Variants in MGAM2 observed in about 807,000 individuals in gnomAD.
MGAM2 encodes maltase-glucoamylase 2 (putative), also known as probable maltase-glucoamylase 2.
In MGAM2, 98 loss-of-function variants were observed where a neutral mutation model predicts 96.1. The observed-to-expected ratio is 1.02, with a 90% CI of 0.87 to 1.21. MGAM2 has a LOEUF of 1.21. MGAM2 is among the 50% of genes most tolerant of loss of function. MGAM2 has a pLI of 0.00. For missense variants in MGAM2, 2,055 were observed against 1,182.4 expected, an observed-to-expected ratio of 1.74 and a Z score of -10.82; for synonymous variants, 749 against 414.8, an observed-to-expected ratio of 1.81 and a Z score of -9.79.
chr7:142,144,273 G>A (rs1160773178), intron 13 of MGAM2, among the ~76,000 whole-genome samples: 2 of 152,178 alleles, frequency 1.3e-5, no homozygotes, highest in Non-Finnish European at 2.9e-5. Flanking sequence ...AAGAACAATA[G>A]GAATTTCTTC....
chr7:142,170,333 A>C, intron 27 of MGAM2, 104 bp downstream of exon 27: 3 of 540,282 alleles, frequency 5.6e-6, no homozygotes, highest in Non-Finnish European at 9.9e-6. Flanking sequence ...CTATGGAAAT[A>C]GGTGTGCATT....
chr7:142,215,471 A>C (rs1230679609), intron 46 of MGAM2, among the ~76,000 whole-genome samples: 13 of 152,060 alleles, frequency 8.5e-5, no homozygotes, highest in Non-Finnish European at 1.3e-4. Context: ...AAAAAAAAAA[A>C]AACATTTGGC....
At chr7:142,115,933 T>G (rs1743610899) in intron 1 of MGAM2, among the ~76,000 whole-genome samples, 2 of 152,202 alleles carry the variant, frequency 1.3e-5, no homozygotes, top group South Asian at 4.1e-4. Context: ...ATTTACAATT[T>G]CAAAAGTGTA....
chr7:142,160,867 T>G (rs1404483220), intron 21 of MGAM2, among the ~76,000 whole-genome samples: 1 of 152,106 alleles, frequency 6.6e-6, no homozygotes, highest in African/African-American at 2.4e-5. Context: ...CTAATGAGGC[T>G]AATTGTTGGT....
rs940122967 is a variant in MGAM2, at chr7:142,154,014, C to T, written c.1635-4C>T. 7 of 651,418 alleles carry T rather than the reference C, an allele frequency of 1.1e-5. No individual in the cohort carries two copies. The highest frequency in any genetic ancestry group is 2.0e-5 in the Non-Finnish European group (7 of 349,798). 40.4% of individuals were successfully genotyped at this position (651,418 alleles called of 1,614,324 possible). ...CACACTCCACTGGATGTATTCCTTT[C>T]CAGAGCCCTGGAGACCATCTTCATG... is the stretch of plus-strand genomic sequence containing the variant. On this transcript the variant is annotated splice_polypyrimidine_tract_variant and splice_region_variant and intron_variant, in intron 15 of 47. Transcript: ENST00000477922.
chr7:142,159,694 AC>A (rs1283988847), intron 20 of MGAM2, among the ~76,000 whole-genome samples: 1 of 152,002 alleles, frequency 6.6e-6, no homozygotes, highest in African/African-American at 2.4e-5. Flanking sequence ...AAGTCTCCCC[AC>A]CCCTTAATAC....
At chr7:142,187,679 T>G in intron 35 of MGAM2, 71 bp from the exon 36 acceptor site, 1 of 675,040 alleles carries the variant, frequency 1.5e-6, no homozygotes, top group Non-Finnish European at 2.7e-6. Context: ...TCTCCCTGAG[T>G]TAGTGTCCTC....
At position 142,167,981 on chromosome 7, in the gene MGAM2, A is replaced by G. The variant is rs574445517; in HGVS notation, c.3027+495A>G. ...AAAGCCAGGATGTGGCCTTAGATCT[A>G]TGAGGACCATGAATTCCCTATAATG... On this transcript the variant is annotated intron_variant, in intron 26 of 47. Coordinates refer to ENST00000477922, the MANE Select transcript of MGAM2 (RefSeq NM_001293626.2). 7.2e-5 allele frequency among the ~76,000 whole-genome samples: 11 copies of G among 152,284 alleles called. No individual in the cohort carries two copies. The South Asian group carries it at 2.3e-3, about 32-fold the overall frequency.
At chr7:142,144,840 G>C (rs761211434) in intron 13 of MGAM2, 21 bp from the exon 14 acceptor site, 262 of 695,276 alleles carry the variant, frequency 3.8e-4, no homozygotes, top group Non-Finnish European at 6.5e-4. Context: ...TTTACACTTT[G>C]TGTGTTTTGT....
At chr7:142,176,361 C>T (rs1796378509) in intron 32 of MGAM2, among the ~76,000 whole-genome samples, 1 of 152,184 alleles carries the variant, frequency 6.6e-6, no homozygotes, top group Non-Finnish European at 1.5e-5. Flanking sequence ...TCTCTTCTAG[C>T]TTCCAAAACT....
At chr7:142,206,369 C>A (rs1797400510) in intron 45 of MGAM2, among the ~76,000 whole-genome samples, 1 of 152,094 alleles carries the variant, frequency 6.6e-6, no homozygotes, top group South Asian at 2.1e-4. Flanking sequence ...CATCCCTGCC[C>A]TCTCCCCACT....
chr7:142,167,870 C>T (rs1679528089), intron 26 of MGAM2, among the ~76,000 whole-genome samples: 2 of 152,174 alleles, frequency 1.3e-5, no homozygotes, highest in South Asian at 4.1e-4. Context: ...CTGTGCCTCG[C>T]TGAAACAGCT....
At position 142,170,220 on chromosome 7, in the gene MGAM2, G is replaced by T; in HGVS notation, c.3173G>T (p.Ser1058Ile). The T allele has an allele frequency of 1.4e-6, 1 of 702,454 alleles. No homozygotes were observed. The highest frequency in any genetic ancestry group is 2.6e-6 in the Non-Finnish European group (1 of 384,704). 43.5% of individuals were successfully genotyped at this position (702,454 alleles called of 1,614,324 possible). A position where few individuals can be genotyped will look rare whatever the true frequency, so the allele number is the denominator to read the frequency against. ...FGIQIQRKNS[S>I]TVIWDSQLPG... is the part of the protein sequence containing the mutation. Reference sequence around the variant, plus strand: ...ATCCAGATTCAACGCAAAAACTCCAGCACTGTGATGTAAGCACTATTTATT... The same window carrying T: ...ATCCAGATTCAACGCAAAAACTCCATCACTGTGATGTAAGCACTATTTATT... Residue 1058 changes from serine (S) to isoleucine (I), a missense_variant, in exon 27 of 48, where the codon AGC (serine) becomes ATC (isoleucine). Coordinates refer to ENST00000477922, the MANE Select transcript of MGAM2 (RefSeq NM_001293626.2).
intron 1 of MGAM2, among the ~76,000 whole-genome samples, chr7:142,114,846 G>A (rs1464858992): frequency 1.3e-5 from 2 of 152,120 alleles, no homozygotes; most frequent in Non-Finnish European, 2.9e-5. Flanking sequence ...TATTTTTTGG[G>A]TGATATCAGA....
At position 142,144,861 on chromosome 7, in the gene MGAM2, G is replaced by T; in HGVS notation, c.1432G>T (p.Glu478Ter). The change falls in exon 14 of 48, where the codon GAA becomes TAA. Residue 478 changes from glutamate (E) to a stop codon, truncating the protein, a stop_gained and splice_region_variant. Coordinates refer to ENST00000477922, the MANE Select transcript of MGAM2 (RefSeq NM_001293626.2). LOFTEE classifies it high-confidence loss of function. ...CTTTGTGTGTTTTGTGTCTTTGAAGGAAATGAATGAAGTATCTAGCTTACT... is the reference window on the plus strand; with the variant it reads ...CTTTGTGTGTTTTGTGTCTTTGAAGTAAATGAATGAAGTATCTAGCTTACT... ...DHLEFDGVWI[E>*]MNEVSSLLQA... 1 of 700,514 alleles carries T rather than the reference G, an allele frequency of 1.4e-6. No homozygotes were observed. Among genetic ancestry groups the T allele is most frequent in the South Asian group, 1.5e-5 (1 of 67,210 alleles). 43.4% of individuals were successfully genotyped at this position (700,514 alleles called of 1,614,324 possible).
chr7:142,193,455 G>T (rs920229043), intron 37 of MGAM2, among the ~76,000 whole-genome samples: 13 of 152,034 alleles, frequency 8.6e-5, no homozygotes, highest in African/African-American at 3.1e-4. Flanking sequence ...GCCTTTGTTT[G>T]TCAGCCCTGA....
At chr7:142,182,505 C>T (rs1327439735) in intron 32 of MGAM2, among the ~76,000 whole-genome samples, 2 of 152,212 alleles carry the variant, frequency 1.3e-5, no homozygotes, top group Non-Finnish European at 2.9e-5. Flanking sequence ...GATGGGTCCT[C>T]ATGGTCGTGT....
chr7:142,138,337 A>G (rs1244928887), intron 9 of MGAM2, among the ~76,000 whole-genome samples: 1 of 151,536 alleles, frequency 6.6e-6, no homozygotes, highest in Non-Finnish European at 1.5e-5. Context: ...CATTACTGAA[A>G]CATTTTCTGC....
chr7:142,217,440 A>G (rs989348271), intron 46 of MGAM2, among the ~76,000 whole-genome samples: 1 of 152,244 alleles, frequency 6.6e-6, no homozygotes, highest in South Asian at 2.1e-4. Context: ...TAAGATAGCA[A>G]TAATGATATT....
Sources: allele counts gnomAD v4.1 joint callset (sites outside exome capture counted in the v4.1 genomes callset), GRCh38; gene constraint gnomAD v4.1.1; transcripts MANE v1.5; gene names NCBI Gene and HGNC (gene_info 2026-07-23, HGNC 2026-07-21).